The following DNASE1L2 variants were observed in gnomAD, a reference collection of about 807,000 sequenced individuals.
DNASE1L2 encodes the protein deoxyribonuclease-1-like 2.
A neutral mutation model predicts 31.8 loss-of-function variants in DNASE1L2; 35 were observed. That is an observed-to-expected ratio of 1.10 (90% CI 0.84 to 1.46). The LOEUF (loss-of-function observed/expected upper bound fraction) is 1.46. DNASE1L2 is among the 40% of genes most tolerant of loss of function. The pLI is 0.00. For synonymous variants in DNASE1L2, 211 were observed against 186.5 expected (o/e 1.13, Z -1.07); for missense variants, 504 against 418.8 (o/e 1.20, Z -1.77).
chr16:2,237,012 C>G (rs1011507073), intron 2 of DNASE1L2, 26 bp from the exon 3 acceptor site: 7 of 1,545,620 alleles, frequency 4.5e-6, no homozygotes, highest in Admixed American at 3.9e-5. Context: ...ACCGCGCTGA[C>G]CCCCGCACCC....
In DNASE1L2 at chr16:2,236,460, G is replaced by A. The variant is rs2094503357; in HGVS notation, c.-140G>A. 1.8e-6 allele frequency: 2 copies of A among 1,088,120 alleles called. No individual in the cohort carries two copies. The highest frequency in any genetic ancestry group is 4.5e-5 in the South Asian group (1 of 22,332). 67.4% of individuals were successfully genotyped at this position (1,088,120 alleles called of 1,614,324 possible). ...CTTGGTGCCAGAGCTACTGCCAGAG[G>A]GAGTCAGTGCAGTCCTGTGTCGGAC... On this transcript the variant is annotated 5_prime_UTR_variant, in exon 1 of 7. Transcript: ENST00000320700.
At chr16:2,238,334 T>G in intron 6 of DNASE1L2, 28 bp from the exon 7 acceptor site, 1 of 1,612,920 alleles carries the variant, frequency 6.2e-7, no homozygotes. Flanking sequence ...GGTGCACTTT[T>G]CCCCTGAGGC....
rs2093513744 is a variant in DNASE1L2, at chr16:2,237,140, G to A, written c.233+14G>A. On this transcript the variant is annotated intron_variant, in intron 3 of 6. Transcript: ENST00000320700. ...GCAGATCAACAGGTGTGGTGGGCAG[G>A]GCCCCTCGTCGCGACCCCCCGCCGG... is the stretch of plus-strand genomic sequence containing the variant. 6.5e-7 allele frequency: 1 copy of A among 1,548,070 alleles called. No individual in the cohort carries two copies. Among genetic ancestry groups the A allele is most frequent in the South Asian group, 1.2e-5 (1 of 84,156 alleles).
In DNASE1L2 at chr16:2,236,820, G is replaced by A. The variant is rs2093512322; in HGVS notation, c.4G>A (p.Gly2Ser). 1 of 1,595,742 alleles carries A rather than the reference G, an allele frequency of 6.3e-7. No individual in the cohort carries two copies. The highest frequency in any genetic ancestry group is 8.5e-7 in the Non-Finnish European group (1 of 1,173,788). The change falls in exon 2 of 7, where the codon GGC (glycine) becomes AGC (serine). Residue 2 changes from glycine to serine, a missense_variant. Physicochemically the swap from Gly to Ser is moderately conservative, Grantham distance 56. Coordinates refer to ENST00000320700, the MANE Select transcript of DNASE1L2 (RefSeq NM_001374.3). ...TCCCAGCCTCTCGCTCCGCGCCATG[G>A]GCGGGCCCCGGGCTCTGCTGGCCGC... MGGPRALLAALW... is the reference protein window; with the variant it reads MSGPRALLAALW...
At position 2,237,156 on chromosome 16, in the gene DNASE1L2, C is replaced by T. The variant is rs759850984; in HGVS notation, c.233+30C>T. The T allele has an allele frequency of 3.2e-6, 5 of 1,548,216 alleles. No homozygotes were observed. The Admixed American group carries it at 5.9e-5, about 18-fold the overall frequency. On this transcript the variant is annotated intron_variant, in intron 3 of 6. Transcript: ENST00000320700. ...GGTGGGCAGGGCCCCTCGTCGCGACCCCCCGCCGGGATCTCGCCCCGGCGC... is the reference window on the plus strand; with the variant it reads ...GGTGGGCAGGGCCCCTCGTCGCGACTCCCCGCCGGGATCTCGCCCCGGCGC...
chr16:2,236,634 G>A, intron 1 of DNASE1L2, 74 bp downstream of exon 1: 1 of 1,359,504 alleles, frequency 7.4e-7, no homozygotes, highest in Non-Finnish European at 9.4e-7. Flanking sequence ...TTCCCGCGCA[G>A]TGAGAAGGCA....
At chr16:2,238,091 C>T in intron 6 of DNASE1L2, 73 bp downstream of exon 6, 2 of 1,513,066 alleles carry the variant, frequency 1.3e-6, no homozygotes, top group Non-Finnish European at 8.8e-7. Flanking sequence ...AGGGAGGGTC[C>T]AGCGCCCAAG....
In DNASE1L2 at chr16:2,238,495, G is replaced by A; in HGVS notation, c.*77G>A. ...GCCCAACAGTGGCCCCTTCAGGGTG[G>A]CAGCCACCCTTCAGTGAGGCCCCAA... On this transcript the variant is annotated 3_prime_UTR_variant, in exon 7 of 7. Coordinates refer to ENST00000320700, the MANE Select transcript of DNASE1L2 (RefSeq NM_001374.3). 1 of 1,581,050 alleles carries A rather than the reference G, an allele frequency of 6.3e-7. No individual in the cohort carries two copies. Among genetic ancestry groups the A allele is most frequent in the Non-Finnish European group, 8.7e-7 (1 of 1,152,994 alleles).
At chr16:2,237,707 T>C in intron 5 of DNASE1L2, 58 bp downstream of exon 5, 4 of 1,592,556 alleles carry the variant, frequency 2.5e-6, no homozygotes, top group Non-Finnish European at 3.4e-6. Flanking sequence ...GTCTGGTTCA[T>C]GAGGGCGGGA....
At chr16:2,237,190 G>A in intron 3 of DNASE1L2, 28 bp from the exon 4 acceptor site, 11 of 1,553,316 alleles carry the variant, frequency 7.1e-6, no homozygotes, top group Non-Finnish European at 9.6e-6. Context: ...GCGGCGCCCC[G>A]ACCCTGAGCG....
intron 6 of DNASE1L2, 26 bp downstream of exon 6, chr16:2,238,044 G>A: frequency 6.4e-7 from 1 of 1,571,934 alleles, no homozygotes; most frequent in Non-Finnish European, 8.6e-7. Context: ...GGCGGTGCTG[G>A]TCTTGGGTCC....
In DNASE1L2 at chr16:2,236,453, G is replaced by T. The variant is rs912399691; in HGVS notation, c.-147G>T. ...CCCCTGCCTTGGTGCCAGAGCTACTGCCAGAGGGAGTCAGTGCAGTCCTGT... is the reference window on the plus strand; with the variant it reads ...CCCCTGCCTTGGTGCCAGAGCTACTTCCAGAGGGAGTCAGTGCAGTCCTGT... On this transcript the variant is annotated 5_prime_UTR_variant, in exon 1 of 7. Coordinates refer to ENST00000320700, the MANE Select transcript of DNASE1L2 (RefSeq NM_001374.3). 1.9e-6 allele frequency: 2 copies of T among 1,074,028 alleles called. No homozygotes were observed. Among genetic ancestry groups the T allele is most frequent in the Non-Finnish European group, 2.3e-6 (2 of 887,764 alleles). 66.5% of individuals were successfully genotyped at this position (1,074,028 alleles called of 1,614,324 possible).
Position 2,237,933 on chromosome 16 carries a change from G to C in DNASE1L2, c.758G>C (p.Cys253Ser), listed in dbSNP as rs1228671916. 2 of 1,607,306 alleles carry C rather than the reference G, an allele frequency of 1.2e-6. No individual in the cohort carries two copies. Residue 253 changes from cysteine to serine, a missense_variant, in exon 6 of 7, where the codon TGT becomes TCT. Physicochemically the swap from Cys to Ser is moderately radical, Grantham distance 112 (BLOSUM62 -1). Transcript: ENST00000320700. ...SDCAYDRIVA[C>S]GARLRRSLKP... ...TGCGCCTACGACCGCATTGTGGCCT[G>C]TGGCGCCCGCCTGCGCCGGAGCCTG...
rs761694305 is a variant in DNASE1L2 at position 2,237,118 on chromosome 16, G to C, written c.225G>C (p.Gln75His). Residue 75 changes from glutamine (Q) to histidine (H), a missense_variant, in exon 3 of 7, where the codon CAG becomes CAC. Physicochemically the swap from Gln to His is conservative, Grantham distance 24. Coordinates refer to ENST00000320700, the MANE Select transcript of DNASE1L2 (RefSeq NM_001374.3). ...GCGCCGTGTCCGCGCTCATGGAGCAGATCAACAGGTGTGGTGGGCAGGGCC... is the reference window on the plus strand; with the variant it reads ...GCGCCGTGTCCGCGCTCATGGAGCACATCAACAGGTGTGGTGGGCAGGGCC... ...DLSAVSALME[Q>H]INSVSEHEYS... 1.0e-4 allele frequency: 155 copies of C among 1,549,828 alleles called. No individual in the cohort carries two copies. Among genetic ancestry groups the C allele is most frequent in the Middle Eastern group, 5.4e-4 (3 of 5,578 alleles).
chr16:2,237,394 C>A lies in DNASE1L2; in HGVS notation c.336C>A (p.Val112=), dbSNP rs377125190. The A allele has an allele frequency of 1.2e-4, 197 of 1,601,752 alleles. No homozygotes were observed. The highest frequency in any genetic ancestry group is 1.6e-4 in the Non-Finnish European group (192 of 1,176,950). ...LFVYRKDAVS[V]VDTYLYPDPE... ...CTCCTAGGAAAGACGCGGTGTCGGT[C>A]GTGGACACCTACCTGTACCCAGACC... The change falls in exon 5 of 7, where the codon GTC becomes GTA. Residue 112 remains valine, a synonymous_variant. Coordinates refer to ENST00000320700, the MANE Select transcript of DNASE1L2 (RefSeq NM_001374.3).
In DNASE1L2 at chr16:2,238,346, C is replaced by T. The variant is rs2093519267; in HGVS notation, c.844-16C>T. The T allele has an allele frequency of 6.2e-7, 1 of 1,613,154 alleles. No individual in the cohort carries two copies. Among genetic ancestry groups the T allele is most frequent in the Non-Finnish European group, 8.5e-7 (1 of 1,179,888 alleles). On this transcript the variant is annotated splice_polypyrimidine_tract_variant and intron_variant, in intron 6 of 6. Coordinates refer to ENST00000320700, the MANE Select transcript of DNASE1L2 (RefSeq NM_001374.3). Reference sequence around the variant, plus strand: ...TGGGGTGCACTTTTCCCCTGAGGCTCACTCTGTCCCCACAGGCTCTTGCCA... The same window carrying T: ...TGGGGTGCACTTTTCCCCTGAGGCTTACTCTGTCCCCACAGGCTCTTGCCA...
At chr16:2,236,750 CGGTGG>C in intron 1 of DNASE1L2, 23 bp from the exon 2 acceptor site, 1 of 1,488,030 alleles carries the variant, frequency 6.7e-7, no homozygotes, top group East Asian at 2.4e-5. Flanking sequence ...AGGGGTGGGT[CGGTGG>C]GTCTGACAGC....
intron 4 of DNASE1L2, 32 bp from the exon 5 acceptor site, chr16:2,237,344 C>T: frequency 6.3e-7 from 1 of 1,596,152 alleles, no homozygotes; most frequent in Non-Finnish European, 8.5e-7. Context: ...GGCCGCAGGT[C>T]GGGGGCTCAG....
Position 2,238,024 on chromosome 16 carries a change from TG to T in DNASE1L2, c.843+9del. 2 of 1,589,624 alleles carry T rather than the reference TG, an allele frequency of 1.3e-6. No homozygotes were observed. Among genetic ancestry groups the T allele is most frequent in the Non-Finnish European group, 1.7e-6 (2 of 1,169,490 alleles). The stretch of plus-strand genomic sequence containing the variant: ...TCGGCCTGGACCAGACTCAGGCGAG[TG>T]GGCCGTGGGGCGGTGCTGGTCTTGG... On this transcript the variant is annotated splice_region_variant and intron_variant, in intron 6 of 6. Transcript: ENST00000320700.
Sources: gnomAD v4.1 joint callset for allele counts on GRCh38, gnomAD v4.1.1 for gene constraint, MANE v1.5 for transcripts, NCBI Gene and HGNC (gene_info 2026-07-23, HGNC 2026-07-21) for gene names.